The following MGAT4C variants were observed in gnomAD, a reference collection of about 807,000 sequenced individuals.
The protein encoded by MGAT4C is alpha-1,3-mannosyl-glycoprotein 4-beta-N-acetylglucosaminyltransferase C.
MGAT4C carries 19 observed loss-of-function variants against 40.1 expected under a neutral mutation model. The observed-to-expected ratio is 0.47, with a 90% CI of 0.33 to 0.70. The LOEUF is 0.70. MGAT4C is among the 30% of genes least tolerant of loss of function. The pLI, the probability that MGAT4C is intolerant of heterozygous loss-of-function variation, is 0.02. For missense variants in MGAT4C, 491 were observed against 563.2 expected (o/e 0.87, Z 1.30); for synonymous variants, 181 against 187.1 (o/e 0.97, Z 0.27).
At chr12:86,309,841 T>G (rs1398996638) in intron 4 of MGAT4C, among the ~76,000 whole-genome samples, 2 of 152,190 alleles carry the variant, frequency 1.3e-5, no homozygotes, top group African/African-American at 4.8e-5. Flanking sequence ...TTGTCCAGAC[T>G]CCAACAGATT....
chr12:86,111,996 A>C (rs1877505754), intron 1 of MGAT4C, among the ~76,000 whole-genome samples: 1 of 151,866 alleles, frequency 6.6e-6, no homozygotes, highest in South Asian at 2.1e-4. Flanking sequence ...ATGTATGTAC[A>C]TGTGTATACT....
chr12:86,287,472 A>G (rs1383161955), intron 4 of MGAT4C, among the ~76,000 whole-genome samples: 1 of 152,058 alleles, frequency 6.6e-6, no homozygotes, highest in Non-Finnish European at 1.5e-5. Context: ...TATCAACTAC[A>G]TTAGGTATTT....
chr12:86,251,590 A>C (rs1952283167), intron 1 of MGAT4C, among the ~76,000 whole-genome samples: 1 of 152,072 alleles, frequency 6.6e-6, no homozygotes, highest in Admixed American at 6.6e-5. Context: ...ACTTAACTTT[A>C]CACCTTGCCT....
chr12:86,712,109 A>G (rs140835731), intron 2 of MGAT4C, among the ~76,000 whole-genome samples: 35 of 152,290 alleles, frequency 2.3e-4, no homozygotes, highest in African/African-American at 6.5e-4. Context: ...TCATTTATTT[A>G]TTAAATGAGA....
chr12:86,763,065 G>C (rs1472606704), intron 1 of MGAT4C, among the ~76,000 whole-genome samples: 1 of 152,072 alleles, frequency 6.6e-6, no homozygotes, highest in Non-Finnish European at 1.5e-5. Context: ...GCATATCTTA[G>C]GGCTTTGTCA....
intron 2 of MGAT4C, among the ~76,000 whole-genome samples, chr12:86,006,192 C>A (rs946967472): frequency 6.6e-5 from 10 of 152,276 alleles, no homozygotes; most frequent in Middle Eastern, 3.4e-3. Flanking sequence ...CATGCTGTCA[C>A]TGAAAACATT....
At chr12:86,289,221 G>A (rs974280586) in intron 4 of MGAT4C, among the ~76,000 whole-genome samples, 1 of 152,116 alleles carries the variant, frequency 6.6e-6, no homozygotes, top group Non-Finnish European at 1.5e-5. Context: ...GATTGTAGGC[G>A]CATGGCATTA....
intron 1 of MGAT4C, among the ~76,000 whole-genome samples, chr12:86,248,562 A>G (rs1320425841): frequency 1.3e-5 from 2 of 152,258 alleles, no homozygotes; most frequent in East Asian, 3.9e-4. Flanking sequence ...AATATTAAAG[A>G]TACAGGCAAG....
In MGAT4C at chr12:86,461,572, T is replaced by C. The variant is rs895395301; in HGVS notation, c.-228-26307A>G. Among the ~76,000 whole-genome samples, 13 of 152,284 alleles carry C rather than the reference T, an allele frequency of 8.5e-5. 1 individual carries two copies. The East Asian group carries it at 2.5e-3, about 29-fold the overall frequency. The stretch of plus-strand genomic sequence containing the variant: ...ATCTTCTTACTAATAGTTATATACA[T>C]ACTATAATTGGTCTCAGTGAACAAT... On this transcript the variant is annotated intron_variant, in intron 2 of 7. Coordinates refer to the MGAT4C transcript ENST00000548651.
intron 1 of MGAT4C, among the ~76,000 whole-genome samples, chr12:86,065,007 C>G (rs1263173352): frequency 6.6e-6 from 1 of 152,094 alleles, no homozygotes; most frequent in Non-Finnish European, 1.5e-5. Context: ...CAAGTCTATA[C>G]CAGGAAGAAG....
intron 1 of MGAT4C, among the ~76,000 whole-genome samples, chr12:86,212,913 A>AAC (rs1566155861): frequency 1.4e-5 from 2 of 147,386 alleles, no homozygotes; most frequent in Non-Finnish European, 1.5e-5. Flanking sequence ...AAAAAAAAAA[A>AAC]AAAAAAAAGA....
intron 2 of MGAT4C, among the ~76,000 whole-genome samples, chr12:86,559,423 A>T (rs558962694): frequency 6.6e-6 from 1 of 152,096 alleles, no homozygotes; most frequent in Admixed American, 6.5e-5. Context: ...TCCACAAAAA[A>T]ACATAAAGAT....
At chr12:86,561,150 T>C (rs1256179445) in intron 2 of MGAT4C, among the ~76,000 whole-genome samples, 2 of 152,156 alleles carry the variant, frequency 1.3e-5, no homozygotes, top group Non-Finnish European at 2.9e-5. Flanking sequence ...TTAAAAAACA[T>C]ATTACACAAA....
intron 3 of MGAT4C, among the ~76,000 whole-genome samples, chr12:86,359,184 C>T (rs1263043515): frequency 5.3e-5 from 8 of 152,114 alleles, no homozygotes; most frequent in East Asian, 3.9e-4. Context: ...CACTCAAAAC[C>T]GCTCAACTAC....
intron 1 of MGAT4C, among the ~76,000 whole-genome samples, chr12:86,170,358 T>G (rs1886680295): frequency 6.6e-6 from 1 of 152,236 alleles, no homozygotes; most frequent in South Asian, 2.1e-4. Flanking sequence ...TACTTTCAGA[T>G]AGTCTTGTCA....
Position 86,291,236 on chromosome 12 carries a change from G to C in MGAT4C, c.-57+42829C>G, listed in dbSNP as rs76590808. The stretch of plus-strand genomic sequence containing the variant: ...CAAATAGTTTGCCAAGTTCTTAAAA[G>C]ATTTATATTGCCAAATAGCCACAAG... On this transcript the variant is annotated intron_variant, in intron 4 of 7. Transcript: ENST00000548651. 3.0e-4 allele frequency among the ~76,000 whole-genome samples: 45 copies of C among 152,272 alleles called. 1 individual carries two copies. The highest frequency in any genetic ancestry group is 7.5e-4 in the African/African-American group (31 of 41,564).
intron 2 of MGAT4C, among the ~76,000 whole-genome samples, chr12:86,048,335 T>G (rs535013648): frequency 6.6e-6 from 1 of 150,916 alleles, no homozygotes; most frequent in East Asian, 2.0e-4. Flanking sequence ...AGGGAGGGAG[T>G]GAGGGTTGAA....
chr12:86,409,970 C>T (rs1196460293), intron 3 of MGAT4C, among the ~76,000 whole-genome samples: 1 of 152,080 alleles, frequency 6.6e-6, no homozygotes, highest in East Asian at 1.9e-4. Context: ...GCCTGAGCCG[C>T]AAAACCAGCA....
intron 2 of MGAT4C, among the ~76,000 whole-genome samples, chr12:86,718,658 C>A (rs1267549684): frequency 6.6e-6 from 1 of 152,144 alleles, no homozygotes; most frequent in Non-Finnish European, 1.5e-5. Context: ...AGGAGGTGAA[C>A]AGCAGGCAAG....
Sources: gnomAD v4.1 joint callset for allele counts (sites outside exome capture counted in the v4.1 genomes callset) on GRCh38, gnomAD v4.1.1 for gene constraint, MANE v1.5 for transcripts, NCBI Gene and HGNC (gene_info 2026-07-23, HGNC 2026-07-21) for gene names.